AK7: variants seen among roughly 807,000 people sequenced by gnomAD.
AK7 encodes adenylate kinase 7.
Under a neutral mutation model 96.6 loss-of-function variants are expected in AK7, and 78 were observed. That is an observed-to-expected ratio of 0.81 (90% CI 0.67 to 0.97). The LOEUF (loss-of-function observed/expected upper bound fraction) is 0.97. AK7 is among the 50% of genes least tolerant of loss of function. The probability of loss-of-function intolerance (pLI) is 0.00; values close to 1 mark genes in which losing one functional copy is unlikely to be tolerated. For synonymous variants in AK7, 302 were observed against 317.2 expected (o/e 0.95, Z 0.51); for missense variants, 855 against 887.9 (o/e 0.96, Z 0.47).
At position 96,442,608 on chromosome 14, in the gene AK7, G is replaced by C. The variant is rs577915046; in HGVS notation, c.691-122G>C. The C allele has an allele frequency of 1.5e-5, 12 of 788,206 alleles. No individual in the cohort carries two copies. The South Asian group carries it at 1.7e-4, about 11-fold the overall frequency. The allele number at this position is 788,206 out of a possible 1,614,324, so 48.8% of individuals were successfully genotyped here. A position where few individuals can be genotyped will look rare whatever the true frequency, so the allele number is the denominator to read the frequency against. On this transcript the variant is annotated intron_variant, in intron 6 of 17. Coordinates refer to ENST00000267584, the MANE Select transcript of AK7 (RefSeq NM_152327.5). ...GGGCTGATTTATAAAACACCCCCTA[G>C]AGGAAATTACTTAAGCAGATAGCTA...
intron 12 of AK7, among the ~76,000 whole-genome samples, chr14:96,469,830 T>C (rs1407931858): frequency 6.6e-6 from 1 of 152,106 alleles, no homozygotes; most frequent in Non-Finnish European, 1.5e-5. Flanking sequence ...TTGTTTTTTG[T>C]TTTTGAGATG....
At chr14:96,479,243 A>T (rs556201379) in intron 15 of AK7, among the ~76,000 whole-genome samples, 1 of 151,846 alleles carries the variant, frequency 6.6e-6, no homozygotes, top group Admixed American at 6.6e-5. Flanking sequence ...TGCCCGGCTA[A>T]TTTTTTTGTA....
intron 5 of AK7, among the ~76,000 whole-genome samples, chr14:96,430,019 G>A (rs1244215146): frequency 1.3e-5 from 2 of 152,156 alleles, no homozygotes; most frequent in African/African-American, 4.8e-5. Context: ...AGTGGTGAGA[G>A]AGGGCATCCC....
intron 1 of AK7, among the ~76,000 whole-genome samples, chr14:96,393,080 A>G (rs1194139599): frequency 6.6e-6 from 1 of 152,162 alleles, no homozygotes; most frequent in Non-Finnish European, 1.5e-5. Context: ...CCCGAGTTCC[A>G]TTAAGTTTCC....
chr14:96,401,370 A>T (rs1242435044), intron 2 of AK7, among the ~76,000 whole-genome samples: 1 of 152,146 alleles, frequency 6.6e-6, no homozygotes, highest in African/African-American at 2.4e-5. Flanking sequence ...TGATCTTGAG[A>T]TCCTGGAGCC....
At chr14:96,420,790 A>G (rs1292556441) in intron 4 of AK7, 32 bp from the exon 5 acceptor site, 2 of 1,504,766 alleles carry the variant, frequency 1.3e-6, no homozygotes, top group Non-Finnish European at 9.2e-7. Flanking sequence ...TAATTCACCA[A>G]GTCTGTACCT....
chr14:96,437,827 T>C lies in AK7; in HGVS notation c.610-8T>C, dbSNP rs1431062532. 2 of 1,602,616 alleles carry C rather than the reference T, an allele frequency of 1.2e-6. No homozygotes were observed. Among genetic ancestry groups the C allele is most frequent in the Non-Finnish European group, 8.5e-7 (1 of 1,174,252 alleles). On this transcript the variant is annotated splice_polypyrimidine_tract_variant and splice_region_variant and intron_variant, in intron 5 of 17. Transcript: ENST00000267584. The stretch of plus-strand genomic sequence containing the variant: ...TCCAGCTTTTTTTTTCTGTATTTTA[T>C]CTAATAGGCCAGAAAATTTGCAGCA...
chr14:96,428,325 G>A (rs1325825689), intron 5 of AK7, among the ~76,000 whole-genome samples: 2 of 152,068 alleles, frequency 1.3e-5, no homozygotes, highest in African/African-American at 2.4e-5. Flanking sequence ...AGTATTCCAT[G>A]GTGTATATGT....
chr14:96,416,061 G>A (rs1424232464), intron 4 of AK7, among the ~76,000 whole-genome samples: 2 of 151,972 alleles, frequency 1.3e-5, no homozygotes, highest in Non-Finnish European at 2.9e-5. Context: ...AATGATCCAC[G>A]TGGGCAACCA....
chr14:96,448,187 C>G (rs999823333), intron 8 of AK7, among the ~76,000 whole-genome samples: 3 of 151,918 alleles, frequency 2.0e-5, no homozygotes, highest in Non-Finnish European at 4.4e-5. Context: ...CTCTCCCTGC[C>G]TCATTCCCAC....
intron 5 of AK7, among the ~76,000 whole-genome samples, chr14:96,433,121 T>C (rs2083805): frequency 0.84 from 128,397 of 152,180 alleles, 54,366 homozygotes; most frequent in East Asian, 0.96. Flanking sequence ...TTCATTTCAA[T>C]CTTGGTGAAT....
intron 15 of AK7, among the ~76,000 whole-genome samples, chr14:96,482,627 C>T (rs1895560903): frequency 6.6e-6 from 1 of 152,118 alleles, no homozygotes; most frequent in African/African-American, 2.4e-5. Flanking sequence ...CCTGTTTGGC[C>T]TCCCACAAGT....
At chr14:96,460,539 A>G (rs1283253117) in intron 12 of AK7, among the ~76,000 whole-genome samples, 2 of 152,130 alleles carry the variant, frequency 1.3e-5, no homozygotes, top group African/African-American at 4.8e-5. Context: ...AGATTCTCCT[A>G]CTGAGAACTG....
At chr14:96,434,956 C>T (rs1004802599) in intron 5 of AK7, among the ~76,000 whole-genome samples, 1 of 152,118 alleles carries the variant, frequency 6.6e-6, no homozygotes, top group African/African-American at 2.4e-5. Context: ...TTGACTGCTG[C>T]CTGGCCTGGG....
chr14:96,474,447 A>G (rs1310833912), intron 14 of AK7, among the ~76,000 whole-genome samples: 1 of 104,322 alleles, frequency 9.6e-6, no homozygotes, highest in Non-Finnish European at 2.1e-5. Flanking sequence ...CATATCTACT[A>G]AAAAAAAAAA....
Position 96,434,422 on chromosome 14 carries a change from G to GTCTCTCTC in AK7, c.610-3385_610-3378dup, listed in dbSNP as rs3077780. Among the ~76,000 whole-genome samples the GTCTCTCTC allele has an allele frequency of 9.0e-4, 135 of 149,440 alleles. 1 individual carries two copies. Among genetic ancestry groups the GTCTCTCTC allele is most frequent in the African/African-American group, 3.2e-3 (130 of 40,788 alleles). ...AAATATACAGTCTCTCTGTCTGTCTGTCTCTCTCTCTCTCTCTCTCTCTCT... is the reference window on the plus strand; with the variant it reads ...AAATATACAGTCTCTCTGTCTGTCTGTCTCTCTCTCTCTCTCTCTCTCTCTCTCTCTCT... On this transcript the variant is annotated intron_variant, in intron 5 of 17. Transcript: ENST00000267584.
chr14:96,433,754 TC>T (rs1395072986), intron 5 of AK7, among the ~76,000 whole-genome samples: 1 of 152,216 alleles, frequency 6.6e-6, no homozygotes, highest in East Asian at 1.9e-4. Flanking sequence ...GAAGAGGTGC[TC>T]TGTTTTTTTC....
rs34001068 is a variant in AK7 at position 96,400,030 on chromosome 14, CTTTTTTTT to C, written c.294+1786_294+1793del. Among the ~76,000 whole-genome samples, 14 of 86,338 alleles carry C rather than the reference CTTTTTTTT, an allele frequency of 1.6e-4. No individual in the cohort carries two copies. In the East Asian group the frequency reaches 2.7e-3, roughly 16 times the overall value. 56.6% of individuals were successfully genotyped at this position (86,338 alleles called of 152,430 possible). On this transcript the variant is annotated intron_variant, in intron 2 of 17. Transcript: ENST00000267584. ...TATTAGACCCCGCTACAAAAACAAT[CTTTTTTTT>C]TTTTTTTTTTTTTTTTTTGAGATGG...
intron 3 of AK7, 149 bp downstream of exon 3, chr14:96,405,014 T>C (rs1278132177): frequency 4.6e-6 from 2 of 433,402 alleles, no homozygotes; most frequent in African/African-American, 2.0e-5. Flanking sequence ...GATAATAATA[T>C]GGATAGATAC....
Sources: gnomAD v4.1 joint callset for allele counts (sites outside exome capture counted in the v4.1 genomes callset) on GRCh38, gnomAD v4.1.1 for gene constraint, MANE v1.5 for transcripts, NCBI Gene and HGNC (gene_info 2026-07-23, HGNC 2026-07-21) for gene names.